Variants in MAGI2 observed in about 807,000 individuals in gnomAD.
The protein encoded by MAGI2 is membrane-associated guanylate kinase, WW and PDZ domain-containing protein 2.
Under a neutral mutation model 133.3 loss-of-function variants are expected in MAGI2, and 35 were observed. The observed-to-expected ratio is 0.26, with a 90% CI of 0.20 to 0.35. The LOEUF is 0.35. Ranked by LOEUF, MAGI2 falls within the 10% of genes least tolerant of loss-of-function variation. The pLI, the probability that MAGI2 is intolerant of heterozygous loss-of-function variation, is 1.00. For synonymous variants in MAGI2, 729 were observed against 710.6 expected, an observed-to-expected ratio of 1.03 and a Z score of -0.41; for missense variants, 1,636 against 1,863.4, an observed-to-expected ratio of 0.88 and a Z score of 2.25.
intron 2 of MAGI2, among the ~76,000 whole-genome samples, chr7:78,763,646 C>T (rs375357271): frequency 8.5e-5 from 13 of 152,110 alleles, no homozygotes; most frequent in African/African-American, 2.9e-4. Flanking sequence ...AAGGCCTAAG[C>T]GAAACCCCGC....
intron 1 of MAGI2, among the ~76,000 whole-genome samples, chr7:79,043,584 C>A (rs944751718): frequency 4.9e-5 from 6 of 123,246 alleles, no homozygotes; most frequent in Non-Finnish European, 8.8e-5. Flanking sequence ...ACACAAAAAA[C>A]CATACAAAAG....
At chr7:78,795,166 TAA>T (rs1196532916) in intron 2 of MAGI2, among the ~76,000 whole-genome samples, 4 of 151,958 alleles carry the variant, frequency 2.6e-5, no homozygotes, top group Non-Finnish European at 5.9e-5. Context: ...AATATAAATA[TAA>T]GATTATTATA....
chr7:79,175,731 A>G (rs1826035055), intron 1 of MAGI2, among the ~76,000 whole-genome samples: 1 of 152,054 alleles, frequency 6.6e-6, no homozygotes. Flanking sequence ...TACTGTACTG[A>G]ATAGTAGGCT....
chr7:78,505,514 C>T (rs193113024), intron 4 of MAGI2, among the ~76,000 whole-genome samples: 2 of 152,280 alleles, frequency 1.3e-5, no homozygotes, highest in Admixed American at 1.3e-4. Context: ...ATTATACATA[C>T]TGTGGTACGC....
chr7:79,356,906 A>G (rs1042352131), intron 1 of MAGI2, among the ~76,000 whole-genome samples: 1 of 152,214 alleles, frequency 6.6e-6, no homozygotes, highest in Non-Finnish European at 1.5e-5. Context: ...AAAATCAAGA[A>G]GAAGAAAATC....
At chr7:78,220,127 T>C (rs971491061) in intron 10 of MAGI2, among the ~76,000 whole-genome samples, 4 of 152,174 alleles carry the variant, frequency 2.6e-5, no homozygotes, top group African/African-American at 9.7e-5. Flanking sequence ...CCTCTGTCTG[T>C]CTGCCCCACT....
chr7:78,490,338 A>G (rs1433121063), intron 5 of MAGI2, among the ~76,000 whole-genome samples: 1 of 152,112 alleles, frequency 6.6e-6, no homozygotes, highest in South Asian at 2.1e-4. Flanking sequence ...CATTTTCTCA[A>G]TAAGTGATTA....
In MAGI2 at chr7:79,108,081, A is replaced by G. The variant is rs560044089; in HGVS notation, c.302-100875T>C. ...GAAATAGAGCAATTCTCAACATCAGAGAGTGTTTAGGGAAGGATGTGAATG... is the reference window on the plus strand; with the variant it reads ...GAAATAGAGCAATTCTCAACATCAGGGAGTGTTTAGGGAAGGATGTGAATG... On this transcript the variant is annotated intron_variant, in intron 1 of 21. Coordinates refer to ENST00000354212, the MANE Select transcript of MAGI2 (RefSeq NM_012301.4). Among the ~76,000 whole-genome samples the G allele has an allele frequency of 5.9e-5, 9 of 152,316 alleles. No homozygotes were observed. The South Asian group carries it at 1.7e-3, about 28-fold the overall frequency.
chr7:78,735,963 A>G (rs1210687117), intron 2 of MAGI2, among the ~76,000 whole-genome samples: 1 of 152,216 alleles, frequency 6.6e-6, no homozygotes, highest in Non-Finnish European at 1.5e-5. Context: ...AAACATAACA[A>G]TCATTATTGA....
At chr7:78,268,158 A>C (rs12530954) in intron 9 of MAGI2, among the ~76,000 whole-genome samples, 29,898 of 151,806 alleles carry the variant, frequency 0.2, 3,310 homozygotes, top group South Asian at 0.31. Context: ...TTGCTTTTTA[A>C]ACTAAATCTA....
At chr7:78,167,583 C>A (rs1391597648) in intron 15 of MAGI2, among the ~76,000 whole-genome samples, 1 of 152,150 alleles carries the variant, frequency 6.6e-6, no homozygotes, top group Non-Finnish European at 1.5e-5. Context: ...AACACATTTT[C>A]AAATGGCATA....
intron 2 of MAGI2, among the ~76,000 whole-genome samples, chr7:78,853,101 G>A (rs907969132): frequency 1.1e-4 from 17 of 152,014 alleles, no homozygotes; most frequent in Non-Finnish European, 2.4e-4. Context: ...GCAAGATGGA[G>A]ATCAGGGGTC....
At chr7:78,929,598 C>T (rs774001046) in intron 2 of MAGI2, among the ~76,000 whole-genome samples, 5 of 151,930 alleles carry the variant, frequency 3.3e-5, no homozygotes, top group Non-Finnish European at 5.9e-5. Context: ...CCCAGTTTTC[C>T]GTCTTCAAAA....
At chr7:78,668,730 C>A (rs982414860) in intron 2 of MAGI2, among the ~76,000 whole-genome samples, 1 of 151,776 alleles carries the variant, frequency 6.6e-6, no homozygotes, top group African/African-American at 2.4e-5. Flanking sequence ...TCTCTCAGAC[C>A]ACAGTGCAAT....
chr7:78,346,257 T>C (rs1350098717), intron 7 of MAGI2, among the ~76,000 whole-genome samples: 1 of 152,226 alleles, frequency 6.6e-6, no homozygotes, highest in Non-Finnish European at 1.5e-5. Context: ...CTCTCTCATA[T>C]GTTATTCTAT....
At chr7:78,180,766 G>C (rs1043388339) in intron 13 of MAGI2, among the ~76,000 whole-genome samples, 1 of 152,054 alleles carries the variant, frequency 6.6e-6, no homozygotes, top group African/African-American at 2.4e-5. Context: ...GAGGCAAAGA[G>C]AGACCCCTTA....
intron 6 of MAGI2, 131 bp downstream of exon 6, chr7:78,489,630 T>C (rs1180041966): frequency 6.8e-6 from 5 of 735,930 alleles, no homozygotes; most frequent in Admixed American, 2.2e-5. Context: ...CTCTCTTATC[T>C]GAGCATTAAA....
chr7:78,612,209 C>A (rs1049555285), intron 3 of MAGI2, among the ~76,000 whole-genome samples: 1 of 151,798 alleles, frequency 6.6e-6, no homozygotes. Context: ...TAACTGGAAA[C>A]CTGTATTGGA....
intron 1 of MAGI2, among the ~76,000 whole-genome samples, chr7:79,225,193 C>G (rs770106420): frequency 2.0e-5 from 3 of 152,124 alleles, no homozygotes; most frequent in Non-Finnish European, 2.9e-5. Context: ...ACATTTGTCT[C>G]TTATGATACA....
Sources: gnomAD v4.1 joint callset for allele counts (sites outside exome capture counted in the v4.1 genomes callset) on GRCh38, gnomAD v4.1.1 for gene constraint, MANE v1.5 for transcripts, NCBI Gene and HGNC (gene_info 2026-07-23, HGNC 2026-07-21) for gene names.